The following GABRA5 variants were observed in gnomAD, a reference collection of about 807,000 sequenced individuals.
GABRA5 encodes the protein gamma-aminobutyric acid type A receptor subunit alpha5, also known as gamma-aminobutyric acid receptor subunit alpha-5.
A neutral mutation model predicts 47.3 loss-of-function variants in GABRA5; 18 were observed. That is an observed-to-expected ratio of 0.38 (90% confidence interval 0.26 to 0.56). GABRA5 has a LOEUF of 0.56. Among genes scored for constraint, GABRA5 ranks in the 20% least tolerant of loss-of-function variants. GABRA5 has a pLI of 0.71. For synonymous variants in GABRA5, 237 were observed against 229.3 expected (o/e 1.03, Z -0.30); for missense variants, 365 against 599.3 (o/e 0.61, Z 4.08).
chr15:26,930,927 A>C (rs1595430644), intron 7 of GABRA5, among the ~76,000 whole-genome samples: 1 of 114,900 alleles, frequency 8.7e-6, no homozygotes, highest in African/African-American at 3.5e-5. Flanking sequence ...ACAGAGTCTC[A>C]CTCTGTTGCC....
chr15:26,886,208 G>C (rs555450297), intron 6 of GABRA5, among the ~76,000 whole-genome samples: 1 of 151,930 alleles, frequency 6.6e-6, no homozygotes, highest in African/African-American at 2.4e-5. Context: ...TTAGTAGGGA[G>C]GGGGTTTCAC....
In GABRA5 at chr15:26,943,396, C is replaced by CA; in HGVS notation, c.1065dup (p.Ala356SerfsTer12). On this transcript the variant is annotated frameshift_variant, in exon 10 of 11. Transcript: ENST00000335625. LOFTEE classifies it high-confidence loss of function. ...CCAAGAGAGGCTGGGCCTGGGATGG[C>CA]AAAAAAGCCTTGGAAGCAGCCAAGA... is the stretch of plus-strand genomic sequence containing the variant. The CA allele has an allele frequency of 6.3e-7, 1 of 1,596,576 alleles. No individual in the cohort carries two copies. The highest frequency in any genetic ancestry group is 8.5e-7 in the Non-Finnish European group (1 of 1,171,572).
chr15:26,936,432 G>A (rs1313497385), intron 7 of GABRA5, among the ~76,000 whole-genome samples: 1 of 152,100 alleles, frequency 6.6e-6, no homozygotes, highest in African/African-American at 2.4e-5. Context: ...GTGGTGAGTG[G>A]AGCCCTTTTG....
chr15:26,924,434 A>AAAG (rs1180260944), intron 7 of GABRA5, among the ~76,000 whole-genome samples: 2 of 152,104 alleles, frequency 1.3e-5, no homozygotes, highest in East Asian at 3.9e-4. Flanking sequence ...AGTGGTGGAG[A>AAAG]AAGTTTGGAA....
intron 10 of GABRA5, among the ~76,000 whole-genome samples, chr15:26,945,119 G>A (rs1894480153): frequency 6.6e-6 from 1 of 152,232 alleles, no homozygotes; most frequent in Non-Finnish European, 1.5e-5. Context: ...TAAGCCGCGT[G>A]CCTCAAGCTG....
chr15:26,910,737 T>C (rs1189212325), intron 6 of GABRA5, among the ~76,000 whole-genome samples: 1 of 152,184 alleles, frequency 6.6e-6, no homozygotes, highest in Non-Finnish European at 1.5e-5. Flanking sequence ...TTTGTAAAAA[T>C]ACTGGATTCC....
At chr15:26,894,800 C>A (rs1050316003) in intron 6 of GABRA5, among the ~76,000 whole-genome samples, 14 of 152,196 alleles carry the variant, frequency 9.2e-5, no homozygotes, top group Admixed American at 8.5e-4. Flanking sequence ...TCCATAGGCA[C>A]AGTCCGGCCG....
At chr15:26,930,009 T>TG (rs1429564476) in intron 7 of GABRA5, among the ~76,000 whole-genome samples, 4 of 76,108 alleles carry the variant, frequency 5.3e-5, no homozygotes, top group Non-Finnish European at 1.3e-4. Context: ...TCTTCTTCTT[T>TG]TTTTTTTTTT....
chr15:26,919,850 T>A (rs1464133415), intron 7 of GABRA5, among the ~76,000 whole-genome samples: 1 of 152,176 alleles, frequency 6.6e-6, no homozygotes, highest in East Asian at 1.9e-4. Context: ...TCTGGAAAAG[T>A]TTTTGTCTTG....
chr15:26,901,515 A>C (rs12910133), intron 6 of GABRA5, among the ~76,000 whole-genome samples: 68,892 of 151,974 alleles, frequency 0.45, 16,481 homozygotes, highest in Middle Eastern at 0.55. Context: ...TTGTTTTCTT[A>C]TGACTGAGTT....
At chr15:26,928,883 T>C (rs1198464899) in intron 7 of GABRA5, among the ~76,000 whole-genome samples, 1 of 152,130 alleles carries the variant, frequency 6.6e-6, no homozygotes, top group Admixed American at 6.5e-5. Context: ...CCTCACACGA[T>C]GGAAGGGGTG....
intron 7 of GABRA5, among the ~76,000 whole-genome samples, chr15:26,934,619 C>T (rs1038719677): frequency 2.6e-5 from 4 of 151,278 alleles, no homozygotes; most frequent in Admixed American, 2.6e-4. Context: ...TCGACATTCA[C>T]ATATCCACTT....
chr15:26,930,829 T>G (rs1894083551), intron 7 of GABRA5, among the ~76,000 whole-genome samples: 1 of 152,094 alleles, frequency 6.6e-6, no homozygotes, highest in Non-Finnish European at 1.5e-5. Context: ...AGCACCCCAG[T>G]CTTGGTGCCA....
intron 7 of GABRA5, among the ~76,000 whole-genome samples, chr15:26,935,443 G>A (rs866949060): frequency 1.6e-4 from 24 of 152,210 alleles, no homozygotes; most frequent in South Asian, 6.2e-4. Context: ...TGGAGAAAGC[G>A]GCTCACAGGA....
At chr15:26,885,214 G>T (rs1014062074) in intron 6 of GABRA5, among the ~76,000 whole-genome samples, 4 of 151,830 alleles carry the variant, frequency 2.6e-5, no homozygotes, top group Admixed American at 2.6e-4. Context: ...CAGGAAAATG[G>T]CGTGAACCTG....
chr15:26,941,503 G>A (rs186226629), intron 9 of GABRA5, among the ~76,000 whole-genome samples: 6 of 152,220 alleles, frequency 3.9e-5, no homozygotes, highest in Admixed American at 6.5e-5. Flanking sequence ...AGGGAATGAC[G>A]TTCATGGAGT....
chr15:26,930,623 T>A (rs7167797), intron 7 of GABRA5, among the ~76,000 whole-genome samples: 132,500 of 152,096 alleles, frequency 0.87, 57,810 homozygotes, highest in African/African-American at 0.89. Context: ...CATTCTGCTC[T>A]GGATTGCTTA....
chr15:26,895,399 C>CCACT (rs1893157962), intron 6 of GABRA5, among the ~76,000 whole-genome samples: 2 of 152,126 alleles, frequency 1.3e-5, no homozygotes, highest in South Asian at 4.1e-4. Context: ...GCAGGCTCTG[C>CCACT]CACTATTCTG....
intron 7 of GABRA5, among the ~76,000 whole-genome samples, chr15:26,923,566 T>C (rs1300275799): frequency 6.6e-6 from 1 of 152,208 alleles, no homozygotes; most frequent in Non-Finnish European, 1.5e-5. Flanking sequence ...TTTATTGGTG[T>C]AGGCATATGA....
Sources: gnomAD v4.1 joint callset for allele counts (sites outside exome capture counted in the v4.1 genomes callset) on GRCh38, gnomAD v4.1.1 for gene constraint, MANE v1.5 for transcripts, NCBI Gene and HGNC (gene_info 2026-07-23, HGNC 2026-07-21) for gene names.